The following RPAP2 variants were observed in gnomAD, a reference collection of about 807,000 sequenced individuals.
RPAP2 encodes the protein RNA polymerase II associated protein 2.
A neutral mutation model predicts 73.1 loss-of-function variants in RPAP2; 52 were observed. That is an observed-to-expected ratio of 0.71 (90% confidence interval 0.57 to 0.90). The LOEUF (loss-of-function observed/expected upper bound fraction) is 0.90, where lower values mean the gene tolerates loss of function less well. Among genes scored for constraint, RPAP2 ranks in the 40% least tolerant of loss-of-function variants. The pLI, the probability that RPAP2 is intolerant of heterozygous loss-of-function variation, is 0.00. For missense variants in RPAP2, 598 were observed against 701.8 expected, an observed-to-expected ratio of 0.85 and a Z score of 1.67; for synonymous variants, 225 against 242.1, an observed-to-expected ratio of 0.93 and a Z score of 0.65.
At chr1:92,356,604 T>C (rs921475614) in intron 11 of RPAP2, among the ~76,000 whole-genome samples, 2 of 147,450 alleles carry the variant, frequency 1.4e-5, no homozygotes, top group Non-Finnish European at 3.0e-5. Flanking sequence ...TTTTTTTTTT[T>C]CTGTATTTTT....
intron 11 of RPAP2, chr1:92,363,703 C>G: frequency 3.0e-6 from 1 of 338,102 alleles, no homozygotes; most frequent in East Asian, 8.5e-5. Context: ...TTCTCCTCCT[C>G]CTCAGCCTAC....
chr1:92,305,199 G>A (rs1279897167), intron 5 of RPAP2, among the ~76,000 whole-genome samples: 2 of 151,820 alleles, frequency 1.3e-5, no homozygotes, highest in Non-Finnish European at 2.9e-5. Flanking sequence ...TTGGGAGGCC[G>A]AGGCGGGCAG....
intron 5 of RPAP2, among the ~76,000 whole-genome samples, chr1:92,305,582 C>CA (rs964665061): frequency 7.3e-4 from 104 of 142,036 alleles, no homozygotes; most frequent in South Asian, 1.8e-3. Context: ...TCAGAAGTTT[C>CA]AAAAAAAAAA....
At chr1:92,360,357 A>G (rs1326829390) in intron 11 of RPAP2, among the ~76,000 whole-genome samples, 1 of 152,214 alleles carries the variant, frequency 6.6e-6, no homozygotes, top group Admixed American at 6.5e-5. Context: ...CCAGATTGCA[A>G]AGGCTGCTAT....
At chr1:92,383,517 T>C (rs1450644165) in intron 12 of RPAP2, among the ~76,000 whole-genome samples, 1 of 152,218 alleles carries the variant, frequency 6.6e-6, no homozygotes. Context: ...AGGTATTTTA[T>C]TATCTTTGAA....
intron 8 of RPAP2, among the ~76,000 whole-genome samples, chr1:92,328,976 A>C (rs1032465924): frequency 1.3e-5 from 2 of 152,208 alleles, no homozygotes; most frequent in Non-Finnish European, 2.9e-5. Context: ...GAGTGTCTGC[A>C]AAGGGTCCTG....
intron 11 of RPAP2, among the ~76,000 whole-genome samples, chr1:92,360,933 G>A (rs1176694480): frequency 4.6e-5 from 7 of 151,982 alleles, no homozygotes; most frequent in Non-Finnish European, 1.5e-5. Flanking sequence ...CTGAGCTTGA[G>A]TTGTACAGCC....
rs187498044 is a variant in RPAP2, at chr1:92,328,944, C to T, written c.1456-4447C>T. Among the ~76,000 whole-genome samples the T allele has an allele frequency of 4.5e-3, 682 of 152,264 alleles. 3 individuals carry two copies. Among genetic ancestry groups the T allele is most frequent in the African/African-American group, 0.016 (661 of 41,538 alleles). On this transcript the variant is annotated intron_variant, in intron 8 of 12. Coordinates refer to ENST00000610020, the MANE Select transcript of RPAP2 (RefSeq NM_024813.3). Reference sequence around the variant, plus strand: ...GGATCTAGCCACCCAGCAGAGCTACCAGGCTTCTGGCGGGTACTAGGGAGT... The same window carrying T: ...GGATCTAGCCACCCAGCAGAGCTACTAGGCTTCTGGCGGGTACTAGGGAGT...
At position 92,375,418 on chromosome 1, in the gene RPAP2, G is replaced by A. The variant is rs1571143262; in HGVS notation, c.1689-5306G>A. 2.6e-5 allele frequency among the ~76,000 whole-genome samples: 4 copies of A among 152,166 alleles called. No individual in the cohort carries two copies. The South Asian group carries it at 8.3e-4, about 31-fold the overall frequency. On this transcript the variant is annotated intron_variant, in intron 11 of 12. Transcript: ENST00000610020. Reference sequence around the variant, plus strand: ...ATCAGAAATATTCAGGGAAAGGGCCGGTGCAGTGGCTCACACCTGTAATCC... The same window carrying A: ...ATCAGAAATATTCAGGGAAAGGGCCAGTGCAGTGGCTCACACCTGTAATCC...
intron 6 of RPAP2, among the ~76,000 whole-genome samples, chr1:92,314,968 C>G (rs1651823167): frequency 6.6e-6 from 1 of 152,016 alleles, no homozygotes; most frequent in Non-Finnish European, 1.5e-5. Flanking sequence ...TCTCTTGAAC[C>G]CGAGAGGCAG....
Position 92,389,888 on chromosome 1 carries a change from G to C in RPAP2, c.*2877G>C, listed in dbSNP as rs975229932. 13 of 152,176 alleles carry C rather than the reference G, an allele frequency of 8.5e-5. No homozygotes were observed. Among genetic ancestry groups the C allele is most frequent in the African/African-American group, 3.1e-4 (13 of 41,432 alleles). 9.4% of individuals were successfully genotyped at this position (152,176 alleles called of 1,614,324 possible). A position where few individuals can be genotyped will look rare whatever the true frequency, so the allele number is the denominator to read the frequency against. ...TGAACAAAGCCTCCAAGAAATATGA[G>C]ACTATGTGAAAAGACCAAATCTATG... On this transcript the variant is annotated 3_prime_UTR_variant, in exon 13 of 13. Coordinates refer to ENST00000610020, the MANE Select transcript of RPAP2 (RefSeq NM_024813.3).
intron 10 of RPAP2, among the ~76,000 whole-genome samples, chr1:92,339,842 A>G (rs923653875): frequency 2.6e-5 from 4 of 151,658 alleles, no homozygotes; most frequent in Non-Finnish European, 4.4e-5. Context: ...TGTCATTCCT[A>G]TTTTCTGGCT....
chr1:92,370,952 T>C (rs1298501345), intron 11 of RPAP2, among the ~76,000 whole-genome samples: 3 of 152,126 alleles, frequency 2.0e-5, no homozygotes, highest in African/African-American at 4.8e-5. Flanking sequence ...CCCTTGAACA[T>C]TGTCAGTGGG....
chr1:92,342,326 G>A (rs901047440), intron 10 of RPAP2, among the ~76,000 whole-genome samples: 2 of 152,184 alleles, frequency 1.3e-5, no homozygotes, highest in African/African-American at 4.8e-5. Flanking sequence ...CCAGGAGCAG[G>A]CCTGGTGTAT....
At chr1:92,303,914 G>C (rs1415004001) in intron 3 of RPAP2, 63 bp from the exon 4 acceptor site, 2 of 1,097,772 alleles carry the variant, frequency 1.8e-6, no homozygotes, top group South Asian at 1.4e-5. Flanking sequence ...ATGAGGCTTA[G>C]AGAGCTGATA....
In RPAP2 at chr1:92,336,368, T is replaced by C; in HGVS notation, c.1560T>C (p.Pro520=). 1 of 1,609,788 alleles carries C rather than the reference T, an allele frequency of 6.2e-7. No homozygotes were observed. The highest frequency in any genetic ancestry group is 8.5e-7 in the Non-Finnish European group (1 of 1,178,048). The change falls in exon 10 of 13, where the codon CCT becomes CCC. Residue 520 remains proline (P), a synonymous_variant. Coordinates refer to ENST00000610020, the MANE Select transcript of RPAP2 (RefSeq NM_024813.3). ...LSKVLPGLLV[P]LQITLGDIYT... is the part of the protein sequence containing the mutation. ...TCAGGTTGCCTGGGCTTCTGGTTCCTCTTCAGATTACATTGGGAGATATTT... is the reference window on the plus strand; with the variant it reads ...TCAGGTTGCCTGGGCTTCTGGTTCCCCTTCAGATTACATTGGGAGATATTT...
chr1:92,363,717 A>G (rs917737846), intron 11 of RPAP2: 2 of 362,860 alleles, frequency 5.5e-6, no homozygotes, highest in South Asian at 2.3e-5. Context: ...AGCCTACTCA[A>G]TGTGAAGACA....
rs999036291 is a variant in RPAP2, at chr1:92,361,102, T to TAC, written c.1688+15202_1688+15203dup. On this transcript the variant is annotated intron_variant, in intron 11 of 12. Transcript: ENST00000610020. ...CATATATATATATATAATATATATA[T>TAC]ACACACACACACACATATATATATA... is the stretch of plus-strand genomic sequence containing the variant. Among the ~76,000 whole-genome samples the TAC allele has an allele frequency of 8.4e-4, 72 of 85,986 alleles. 1 individual carries two copies. Among genetic ancestry groups the TAC allele is most frequent in the Admixed American group, 4.7e-3 (32 of 6,866 alleles). The allele number at this position is 85,986 out of a possible 152,430, so 56.4% of individuals were successfully genotyped here.
At position 92,379,320 on chromosome 1, in the gene RPAP2, G is replaced by A. The variant is rs145381540; in HGVS notation, c.1689-1404G>A. Among the ~76,000 whole-genome samples the A allele has an allele frequency of 8.6e-5, 13 of 151,982 alleles. No homozygotes were observed. The East Asian group carries it at 1.9e-3, about 23-fold the overall frequency. On this transcript the variant is annotated intron_variant, in intron 11 of 12. Coordinates refer to ENST00000610020, the MANE Select transcript of RPAP2 (RefSeq NM_024813.3). Reference sequence around the variant, plus strand: ...TTGTGGGAAGTGTAAAACTATTTGGGGAGAAAAGAATTTTCTCCCAAAAAG... The same window carrying A: ...TTGTGGGAAGTGTAAAACTATTTGGAGAGAAAAGAATTTTCTCCCAAAAAG...
Sources: gnomAD v4.1 joint callset for allele counts (sites outside exome capture counted in the v4.1 genomes callset) on GRCh38, gnomAD v4.1.1 for gene constraint, MANE v1.5 for transcripts, NCBI Gene and HGNC (gene_info 2026-07-23, HGNC 2026-07-21) for gene names.